The following POLR2E variants were observed in gnomAD, a reference collection of about 807,000 sequenced individuals.
The protein encoded by POLR2E is RNA polymerase II, I and III subunit E.
In POLR2E, 35 loss-of-function variants were observed where a neutral mutation model predicts 29.8. That is an observed-to-expected ratio of 1.17 (90% CI 0.90 to 1.55). POLR2E has a LOEUF of 1.55. Ranked by LOEUF, POLR2E falls within the 40% of genes most tolerant of loss-of-function variation. POLR2E has a pLI of 0.00. For synonymous variants in POLR2E, 174 were observed against 112.6 expected, an observed-to-expected ratio of 1.55 and a Z score of -3.45; for missense variants, 287 against 288.6, an observed-to-expected ratio of 0.99 and a Z score of 0.04.
chr19:1,086,657 A>T lies in POLR2E; in HGVS notation c.*2078T>A, dbSNP rs1037380331. On this transcript the variant is annotated 3_prime_UTR_variant, in exon 8 of 8. Coordinates refer to ENST00000615234, the MANE Select transcript of POLR2E (RefSeq NM_002695.5). The stretch of plus-strand genomic sequence containing the variant: ...TTTCTGTGGCAGCTGCAAGCTTAGA[A>T]GATTTTCTGTGGCAGCTGCAAGCTT... 6.0e-5 allele frequency: 9 copies of T among 149,950 alleles called. No homozygotes were observed. Among genetic ancestry groups the T allele is most frequent in the East Asian group, 1.9e-4 (1 of 5,252 alleles). The allele number at this position is 149,950 out of a possible 1,614,324, so 9.3% of individuals were successfully genotyped here.
Position 1,087,564 on chromosome 19 carries a change from C to T in POLR2E, c.*1171G>A, listed in dbSNP as rs577028859. The T allele has an allele frequency of 2.6e-5, 4 of 152,072 alleles. No individual in the cohort carries two copies. Among genetic ancestry groups the T allele is most frequent in the African/African-American group, 7.3e-5 (3 of 41,284 alleles). The allele number at this position is 152,072 out of a possible 1,614,324, so 9.4% of individuals were successfully genotyped here. ...CCATCCCCACCCAACTCCCCAGTCC[C>T]GGGAACCCCCATCCTACTTCCAGTC... is the stretch of plus-strand genomic sequence containing the variant. On this transcript the variant is annotated 3_prime_UTR_variant, in exon 8 of 8. Coordinates refer to ENST00000615234, the MANE Select transcript of POLR2E (RefSeq NM_002695.5).
At position 1,087,719 on chromosome 19, in the gene POLR2E, C is replaced by G. The variant is rs1444921721; in HGVS notation, c.*1016G>C. ...GGGGAAGCACTGTCCCCATCACACA[C>G]ACAGTCCGCGGCCTGGGGATCTGGG... On this transcript the variant is annotated 3_prime_UTR_variant, in exon 8 of 8. Transcript: ENST00000615234. The G allele has an allele frequency of 6.6e-6, 1 of 152,360 alleles. No individual in the cohort carries two copies. 9.4% of individuals were successfully genotyped at this position (152,360 alleles called of 1,614,324 possible).
Position 1,093,890 on chromosome 19 carries a change from G to A in POLR2E, c.232+14C>T. 1 of 1,568,096 alleles carries A rather than the reference G, an allele frequency of 6.4e-7. No homozygotes were observed. The highest frequency in any genetic ancestry group is 8.7e-7 in the Non-Finnish European group (1 of 1,155,198). ...GGTGGCTTCACCGGAACTCCCCCGG[G>A]ACCCGCTGCTCACCTGGAAAGAACA... is the stretch of plus-strand genomic sequence containing the variant. On this transcript the variant is annotated intron_variant, in intron 2 of 7. Coordinates refer to ENST00000615234, the MANE Select transcript of POLR2E (RefSeq NM_002695.5).
At chr19:1,091,052 G>A in intron 3 of POLR2E, 64 bp from the exon 4 acceptor site, 1 of 1,422,808 alleles carries the variant, frequency 7.0e-7, no homozygotes, top group Non-Finnish European at 9.8e-7. Context: ...CCCATTTCCT[G>A]CCTCAAGCTA....
chr19:1,089,590 G>A (rs563077325), intron 6 of POLR2E, 39 bp from the exon 7 acceptor site: 47 of 1,555,248 alleles, frequency 3.0e-5, no homozygotes, highest in East Asian at 2.5e-4. Flanking sequence ...ATGCTTGAGG[G>A]GTCTCACTGC....
chr19:1,089,947 G>A lies in POLR2E; in HGVS notation c.504C>T (p.Asn168=), dbSNP rs139322074. The change falls in exon 6 of 8, where the codon AAC becomes AAT. Residue 168 remains asparagine, a synonymous_variant. Coordinates refer to ENST00000615234, the MANE Select transcript of POLR2E (RefSeq NM_002695.5). ...CCCCCGCCTGGATCCTGGGCAGCTG[G>A]TTCTCTCGGAGCTTACTGCGAAGCA... ...ELLARYKLRE[N]QLPRIQAGDP... 3 of 1,612,906 alleles carry A rather than the reference G, an allele frequency of 1.9e-6. No homozygotes were observed. Among genetic ancestry groups the A allele is most frequent in the South Asian group, 1.1e-5 (1 of 91,054 alleles).
chr19:1,094,125 C>A, intron 1 of POLR2E, 47 bp from the exon 2 acceptor site: 3 of 1,556,200 alleles, frequency 1.9e-6, no homozygotes, highest in Non-Finnish European at 2.6e-6. Context: ...GAGAGGAAGG[C>A]GGCCAAAGCT....
intron 5 of POLR2E, 35 bp from the exon 6 acceptor site, chr19:1,089,997 C>G: frequency 2.7e-6 from 4 of 1,474,348 alleles, no homozygotes; most frequent in Non-Finnish European, 3.7e-6. Context: ...CCAGACAGGG[C>G]CGTTGGGGGG....
intron 2 of POLR2E, among the ~76,000 whole-genome samples, chr19:1,093,103 T>C (rs1328169038): frequency 1.3e-5 from 2 of 150,894 alleles, no homozygotes; most frequent in Admixed American, 6.6e-5. Context: ...GGAGAATCGC[T>C]TGAACTCAGG....
At chr19:1,092,542 A>G (rs1223994638) in intron 2 of POLR2E, among the ~76,000 whole-genome samples, 1 of 151,944 alleles carries the variant, frequency 6.6e-6, no homozygotes, top group East Asian at 1.9e-4. Context: ...TCTACTAAAA[A>G]TACAAAAAAT....
In POLR2E at chr19:1,091,780, AG is replaced by A. The variant is rs762193390; in HGVS notation, c.348+11del. ...GGGGGAGAGGCTGGCGGGGTGGGGC[AG>A]GGGTGCCCACCTGCTTGGCGGAGGG... On this transcript the variant is annotated intron_variant, in intron 3 of 7. Coordinates refer to ENST00000615234, the MANE Select transcript of POLR2E (RefSeq NM_002695.5). 4 of 1,540,394 alleles carry A rather than the reference AG, an allele frequency of 2.6e-6. No homozygotes were observed. In the South Asian group the frequency reaches 4.5e-5, roughly 17 times the overall value.
intron 2 of POLR2E, 85 bp from the exon 3 acceptor site, chr19:1,091,992 G>GC (rs2043843212): frequency 2.2e-6 from 2 of 920,646 alleles, no homozygotes; most frequent in South Asian, 2.7e-5. Context: ...CCAGGTTCCA[G>GC]CCCCATTCCA....
At chr19:1,091,568 G>A (rs373490928) in intron 3 of POLR2E, 62 of 563,890 alleles carry the variant, frequency 1.1e-4, no homozygotes, top group East Asian at 6.3e-4. Flanking sequence ...CCGCCCTGAC[G>A]CCCCTCCTGA....
rs768030724 is a variant in POLR2E at position 1,090,066 on chromosome 19, CGGTGGGGCT to C, written c.488+12_488+20del. The C allele has an allele frequency of 1.2e-6, 2 of 1,607,760 alleles. No homozygotes were observed. Among genetic ancestry groups the C allele is most frequent in the Non-Finnish European group, 1.7e-6 (2 of 1,176,574 alleles). On this transcript the variant is annotated intron_variant, in intron 5 of 7. Transcript: ENST00000615234. Reference sequence around the variant, plus strand: ...CTCGAGGGACAGGGAGGGGCGGGGCCGGTGGGGCTGGAAAGGATACTATCGGGCCAGCAG... The same window carrying C: ...CTCGAGGGACAGGGAGGGGCGGGGCCGGAAAGGATACTATCGGGCCAGCAG...
intron 1 of POLR2E, chr19:1,094,959 C>T (rs978698158): frequency 4.0e-6 from 2 of 497,292 alleles, no homozygotes; most frequent in African/African-American, 4.1e-5. Flanking sequence ...TGGGGGCGCC[C>T]CCCGTCCCCA....
rs960513749 is a variant in POLR2E, at chr19:1,088,121, G to A, written c.*614C>T. ...GCCAGGCTGACCTCGTGTGCTTGGG[G>A]TGAGGCAAGGCCACCTGCTGGAAAC... On this transcript the variant is annotated 3_prime_UTR_variant, in exon 8 of 8. Transcript: ENST00000615234. The A allele has an allele frequency of 6.6e-6, 1 of 152,404 alleles. No homozygotes were observed. Among genetic ancestry groups the A allele is most frequent in the Non-Finnish European group, 1.5e-5 (1 of 68,070 alleles). 9.4% of individuals were successfully genotyped at this position (152,404 alleles called of 1,614,324 possible).
intron 6 of POLR2E, 157 bp from the exon 7 acceptor site, chr19:1,089,708 C>T: frequency 5.0e-6 from 4 of 796,866 alleles, no homozygotes; most frequent in East Asian, 5.3e-5. Flanking sequence ...CTGGGTCACG[C>T]TCTTCTCTGG....
chr19:1,091,079 G>C (rs2043818611), intron 3 of POLR2E, 91 bp from the exon 4 acceptor site: 6 of 1,112,504 alleles, frequency 5.4e-6, no homozygotes, highest in Non-Finnish European at 8.0e-6. Context: ...GCTTACTCGT[G>C]TGCCCCAACA....
At position 1,090,973 on chromosome 19, in the gene POLR2E, C is replaced by T; in HGVS notation, c.364G>A (p.Ala122Thr). Residue 122 changes from alanine to threonine, a missense_variant, in exon 4 of 8, where the codon GCC (alanine) becomes ACC (threonine). Ala to Thr is a moderately conservative substitution (Grantham distance 58). Transcript: ENST00000615234. ...AACTGCTCCAGGATGTACTTGGGGG[C>T]CATGTCGACCAGGGACTGGAAGAGA... ...PSAKQSLVDM[A>T]PKYILEQFLQ... is the part of the protein sequence containing the mutation. 7.4e-6 allele frequency: 12 copies of T among 1,613,588 alleles called. No individual in the cohort carries two copies. Among genetic ancestry groups the T allele is most frequent in the Non-Finnish European group, 1.0e-5 (12 of 1,179,920 alleles).
Sources: gnomAD v4.1 joint callset for allele counts (sites outside exome capture counted in the v4.1 genomes callset) on GRCh38, gnomAD v4.1.1 for gene constraint, MANE v1.5 for transcripts, NCBI Gene and HGNC (gene_info 2026-07-23, HGNC 2026-07-21) for gene names.